SLC5A8: variants seen among roughly 807,000 people sequenced by gnomAD.
SLC5A8 encodes the protein solute carrier family 5 member 8.
SLC5A8 carries 55 observed loss-of-function variants against 71.9 expected under a neutral mutation model. The observed-to-expected ratio is 0.77, with a 90% CI of 0.62 to 0.96. SLC5A8 has a LOEUF of 0.96. SLC5A8 is among the 40% of genes least tolerant of loss of function. The pLI, the probability that SLC5A8 is intolerant of heterozygous loss-of-function variation, is 0.00. For synonymous variants in SLC5A8, 307 were observed against 276.1 expected (o/e 1.11, Z -1.11); for missense variants, 701 against 745.3 (o/e 0.94, Z 0.69).
At chr12:101,161,688 T>C (rs1291164943) in intron 13 of SLC5A8, among the ~76,000 whole-genome samples, 1 of 152,194 alleles carries the variant, frequency 6.6e-6, no homozygotes, top group Non-Finnish European at 1.5e-5. Flanking sequence ...GATGGGCAGG[T>C]CGATTATTAT....
chr12:101,157,504 CT>C (rs1284976705), intron 14 of SLC5A8, 103 bp from the exon 15 acceptor site: 49 of 1,364,116 alleles, frequency 3.6e-5, no homozygotes, highest in Non-Finnish European at 4.4e-5. Flanking sequence ...TCTGCATCAG[CT>C]TTCTAATCTA....
At chr12:101,189,149 C>A (rs1377022258) in intron 6 of SLC5A8, among the ~76,000 whole-genome samples, 1 of 152,044 alleles carries the variant, frequency 6.6e-6, no homozygotes, top group Non-Finnish European at 1.5e-5. Context: ...GTTTCATGTT[C>A]CCAAGGGAAG....
chr12:101,195,228 T>A, intron 3 of SLC5A8, 66 bp from the exon 4 acceptor site: 1 of 1,542,818 alleles, frequency 6.5e-7, no homozygotes, highest in Non-Finnish European at 8.9e-7. Context: ...TCCTCAAAAA[T>A]CATCAGAGAA....
At chr12:101,178,744 CTAGG>C (rs1349531050) in intron 10 of SLC5A8, among the ~76,000 whole-genome samples, 2 of 151,734 alleles carry the variant, frequency 1.3e-5, no homozygotes, top group African/African-American at 4.8e-5. Context: ...AAAGCTGGGG[CTAGG>C]TAAAGTTCTT....
intron 11 of SLC5A8, 145 bp from the exon 12 acceptor site, chr12:101,166,844 G>A (rs2051776688): frequency 9.0e-6 from 6 of 663,812 alleles, no homozygotes; most frequent in East Asian, 8.4e-5. Flanking sequence ...TCCCAAGATA[G>A]TGCTCAGCCC....
chr12:101,177,708 AAATT>A (rs2051894003), intron 10 of SLC5A8, among the ~76,000 whole-genome samples: 1 of 152,094 alleles, frequency 6.6e-6, no homozygotes, highest in African/African-American at 2.4e-5. Flanking sequence ...ATGATCATAT[AAATT>A]GATTACAGAA....
At chr12:101,170,239 A>G (rs2051815912) in intron 10 of SLC5A8, among the ~76,000 whole-genome samples, 1 of 152,244 alleles carries the variant, frequency 6.6e-6, no homozygotes, top group African/African-American at 2.4e-5. Context: ...ATGCTCTCTA[A>G]TCAGAAGAGC....
intron 12 of SLC5A8, among the ~76,000 whole-genome samples, chr12:101,166,170 C>T (rs1406529938): frequency 6.6e-6 from 1 of 152,084 alleles, no homozygotes; most frequent in Admixed American, 6.6e-5. Flanking sequence ...TTGTGCTTTC[C>T]ATTTTAAAAG....
At chr12:101,184,280 T>A in intron 7 of SLC5A8, 58 bp from the exon 8 acceptor site, 1 of 1,361,206 alleles carries the variant, frequency 7.3e-7, no homozygotes, top group Non-Finnish European at 1.0e-6. Flanking sequence ...AATTAATGAA[T>A]GCCTAGTTTA....
At chr12:101,208,871 ATAT>A (rs1363578732) in intron 1 of SLC5A8, among the ~76,000 whole-genome samples, 1 of 152,152 alleles carries the variant, frequency 6.6e-6, no homozygotes, top group East Asian at 1.9e-4. Context: ...GAGGTAGGTG[ATAT>A]TATTTTATTT....
intron 9 of SLC5A8, among the ~76,000 whole-genome samples, chr12:101,180,398 T>A (rs761296142): frequency 2.0e-5 from 3 of 152,212 alleles, no homozygotes; most frequent in Non-Finnish European, 4.4e-5. Flanking sequence ...GTGTTATTAA[T>A]CTAATCATCC....
Position 101,168,020 on chromosome 12 carries a change from C to G in SLC5A8, c.1320+76G>C, listed in dbSNP as rs368017304. Reference sequence around the variant, plus strand: ...AGCTAATGACAAATCTCAAAGGAACCAACTGAGAAAAAAGTGTAGAGCTGC... The same window carrying G: ...AGCTAATGACAAATCTCAAAGGAACGAACTGAGAAAAAAGTGTAGAGCTGC... On this transcript the variant is annotated intron_variant, in intron 11 of 14. Coordinates refer to ENST00000536262, the MANE Select transcript of SLC5A8 (RefSeq NM_145913.5). 66 of 1,351,908 alleles carry G rather than the reference C, an allele frequency of 4.9e-5. 2 individuals carry two copies. The highest frequency in any genetic ancestry group is 3.5e-4 in the East Asian group (14 of 39,860). The allele number at this position is 1,351,908 out of a possible 1,614,324, so 83.7% of individuals were successfully genotyped here. A position where few individuals can be genotyped will look rare whatever the true frequency, so the allele number is the denominator to read the frequency against.
In SLC5A8 at chr12:101,193,578, A is replaced by G. The variant is rs1324750136; in HGVS notation, c.692+47T>C. On this transcript the variant is annotated intron_variant, in intron 5 of 14. Transcript: ENST00000536262. ...CTATTTCAATAAAGAGATTATTTTT[A>G]TAGAATACAAAAGATGTGTTCAGTT... The G allele has an allele frequency of 1.9e-6, 3 of 1,543,796 alleles. No homozygotes were observed. In the East Asian group the frequency reaches 6.8e-5, roughly 35 times the overall value.
At chr12:101,172,988 C>G (rs967223800) in intron 10 of SLC5A8, among the ~76,000 whole-genome samples, 1 of 152,130 alleles carries the variant, frequency 6.6e-6, no homozygotes, top group African/African-American at 2.4e-5. Flanking sequence ...CAGTGGCTCC[C>G]CTTCTTCCTC....
At chr12:101,185,142 G>GA (rs1320938828) in intron 7 of SLC5A8, among the ~76,000 whole-genome samples, 1 of 152,150 alleles carries the variant, frequency 6.6e-6, no homozygotes, top group Non-Finnish European at 1.5e-5. Context: ...CTGTTGAAAA[G>GA]AAATGTTTCA....
At chr12:101,165,054 C>A (rs1165884415) in intron 12 of SLC5A8, among the ~76,000 whole-genome samples, 1 of 152,130 alleles carries the variant, frequency 6.6e-6, no homozygotes, top group African/African-American at 2.4e-5. Flanking sequence ...CGTATATTTG[C>A]ACATTCCCTC....
intron 10 of SLC5A8, among the ~76,000 whole-genome samples, chr12:101,175,003 C>T (rs2051866047): frequency 6.6e-6 from 1 of 151,726 alleles, no homozygotes; most frequent in South Asian, 2.1e-4. Context: ...AAATTTAAAA[C>T]AGCCATGATT....
rs372186123 is a variant in SLC5A8, at chr12:101,158,550, G to GTCTCTC, written c.1631-228_1631-223dup. On this transcript the variant is annotated intron_variant, in intron 13 of 14. Transcript: ENST00000536262. ...AAGCCTCTCACTATAATAAATATGA[G>GTCTCTC]TCTCTCTCTCTCTCTCTCTCTCTCT... 6.6e-3 allele frequency among the ~76,000 whole-genome samples: 321 copies of GTCTCTC among 48,336 alleles called. 7 individuals carry two copies. Among genetic ancestry groups the GTCTCTC allele is most frequent in the Middle Eastern group, 0.017 (1 of 58 alleles). 31.7% of individuals were successfully genotyped at this position (48,336 alleles called of 152,430 possible). A position where few individuals can be genotyped will look rare whatever the true frequency, so the allele number is the denominator to read the frequency against.
chr12:101,194,755 G>A lies in SLC5A8; in HGVS notation c.537+340C>T, dbSNP rs568603989. Among the ~76,000 whole-genome samples the A allele has an allele frequency of 3.1e-3, 472 of 152,282 alleles. 4 individuals carry two copies. Among genetic ancestry groups the A allele is most frequent in the African/African-American group, 0.011 (454 of 41,556 alleles). ...GCCTCCCAAATTGCTGGTATTACAG[G>A]TGGGAGCCACTGTGCCTATGACCTA... is the stretch of plus-strand genomic sequence containing the variant. On this transcript the variant is annotated intron_variant, in intron 4 of 14. Coordinates refer to ENST00000536262, the MANE Select transcript of SLC5A8 (RefSeq NM_145913.5).
Sources: allele counts gnomAD v4.1 joint callset (sites outside exome capture counted in the v4.1 genomes callset), GRCh38; gene constraint gnomAD v4.1.1; transcripts MANE v1.5; gene names NCBI Gene and HGNC (gene_info 2026-07-23, HGNC 2026-07-21).